Variants in STYK1 observed in about 807,000 individuals in gnomAD.
The protein encoded by STYK1 is STY kinase 1.
In STYK1, 46 loss-of-function variants were observed where a neutral mutation model predicts 48.1. The ratio of observed to expected loss-of-function variants is 0.96; its 90% confidence interval spans 0.75 to 1.22. The LOEUF (loss-of-function observed/expected upper bound fraction) is 1.22. STYK1 is among the 50% of genes most tolerant of loss of function. The pLI, the probability that STYK1 is intolerant of heterozygous loss-of-function variation, is 0.00. For missense variants in STYK1, 527 were observed against 521.1 expected (o/e 1.01, Z -0.11); for synonymous variants, 188 against 189.0 (o/e 0.99, Z 0.04).
Position 10,634,550 on chromosome 12 carries a change from G to C in STYK1, c.52+17C>G. On this transcript the variant is annotated intron_variant, in intron 3 of 10. Coordinates refer to ENST00000075503, the MANE Select transcript of STYK1 (RefSeq NM_018423.3). ...TTCTAAAATCAGAGGATAGACATCT[G>C]TGGAATCCGTACTTACCACACAACT... 6.2e-7 allele frequency: 1 copy of C among 1,612,850 alleles called. No individual in the cohort carries two copies. Among genetic ancestry groups the C allele is most frequent in the Non-Finnish European group, 8.5e-7 (1 of 1,178,924 alleles).
rs1227174520 is a variant in STYK1 at position 10,624,721 on chromosome 12, G to C, written c.856C>G (p.Gln286Glu). The change falls in exon 8 of 11, where the codon CAA becomes GAA. Residue 286 changes from glutamine (Q) to glutamate (E), a missense_variant. Gln to Glu is a conservative substitution (Grantham distance 29). Transcript: ENST00000075503. ...VYTRGAISSTQTIPLKWLAPE... is the reference protein window; with the variant it reads ...VYTRGAISSTETIPLKWLAPE... ...GCAAGCCACTTGAGAGGTATGGTTT[G>C]AGTAGAGGAGATGGCCCCTCGGGTG... 2 of 1,614,156 alleles carry C rather than the reference G, an allele frequency of 1.2e-6. No individual in the cohort carries two copies. Among genetic ancestry groups the C allele is most frequent in the Non-Finnish European group, 1.7e-6 (2 of 1,180,036 alleles).
In STYK1 at chr12:10,672,933, A is replaced by C. The variant is rs957333744; in HGVS notation, c.-195+1033T>G. Reference sequence around the variant, plus strand: ...GAGGGGGAAAAACCAGGTAGACAGCACAGAGTTCTGTTTCCAGGTGTATTT... The same window carrying C: ...GAGGGGGAAAAACCAGGTAGACAGCCCAGAGTTCTGTTTCCAGGTGTATTT... On this transcript the variant is annotated intron_variant, in intron 1 of 10. Coordinates refer to ENST00000075503, the MANE Select transcript of STYK1 (RefSeq NM_018423.3). This position sits in a 1 kb window ranked among gnomAD's most constrained non-coding sequence, Gnocchi z 4.0. Among the ~76,000 whole-genome samples the C allele has an allele frequency of 3.3e-5, 5 of 152,214 alleles. No individual in the cohort carries two copies. The highest frequency in any genetic ancestry group is 1.3e-4 in the Admixed American group (2 of 15,282).
intron 1 of STYK1, among the ~76,000 whole-genome samples, chr12:10,652,473 A>G (rs1028599679): frequency 2.0e-5 from 3 of 152,268 alleles, no homozygotes; most frequent in Non-Finnish European, 4.4e-5. Context: ...CAAGTATTTC[A>G]GAAATCCAAG....
chr12:10,645,721 A>G (rs1947591366), intron 1 of STYK1, among the ~76,000 whole-genome samples: 1 of 152,158 alleles, frequency 6.6e-6, no homozygotes, highest in Non-Finnish European at 1.5e-5. Flanking sequence ...AAAAATATCA[A>G]TCCTGATGTT....
chr12:10,645,365 C>G (rs1947587849), intron 1 of STYK1, among the ~76,000 whole-genome samples: 1 of 152,056 alleles, frequency 6.6e-6, no homozygotes, highest in Non-Finnish European at 1.5e-5. Flanking sequence ...AAGAGGAGTT[C>G]AGAGAGAGAT....
At position 10,667,192 on chromosome 12, in the gene STYK1, G is replaced by GA. The variant is rs1198179053; in HGVS notation, c.-195+6773dup. The GA allele has an allele frequency of 7.2e-5, 11 of 152,104 alleles. 1 individual carries two copies. The highest frequency in any genetic ancestry group is 7.2e-4 in the Admixed American group (11 of 15,278). The allele number at this position is 152,104 out of a possible 1,614,324, so 9.4% of individuals were successfully genotyped here. A position where few individuals can be genotyped will look rare whatever the true frequency, so the allele number is the denominator to read the frequency against. On this transcript the variant is annotated intron_variant, in intron 1 of 10. Transcript: ENST00000075503. Reference sequence around the variant, plus strand: ...GTTATAAAGGTTAACAGCTACAGAGGAAAAAACTAAAACAGGTTTCCTTTT... The same window carrying GA: ...GTTATAAAGGTTAACAGCTACAGAGGAAAAAAACTAAAACAGGTTTCCTTTT...
At chr12:10,646,524 A>G (rs1445058003) in intron 1 of STYK1, among the ~76,000 whole-genome samples, 1 of 152,226 alleles carries the variant, frequency 6.6e-6, no homozygotes, top group Non-Finnish European at 1.5e-5. Flanking sequence ...ATTCAGTTTT[A>G]TAAGGGAAAC....
At chr12:10,653,135 T>C (rs368832088) in intron 1 of STYK1, among the ~76,000 whole-genome samples, 54 of 152,008 alleles carry the variant, frequency 3.6e-4, no homozygotes, top group Middle Eastern at 6.8e-3. Context: ...TGCAGTGGCG[T>C]GATATCGGCT....
chr12:10,663,284 A>C (rs764360526), intron 1 of STYK1, among the ~76,000 whole-genome samples: 7 of 152,066 alleles, frequency 4.6e-5, no homozygotes, highest in African/African-American at 7.2e-5. Context: ...CAGCCCACAC[A>C]ATCTTGACTA....
Position 10,634,093 on chromosome 12 carries a change from G to A in STYK1, c.84C>T (p.Ile28=), listed in dbSNP as rs769680668. ...VIQEKQYEVI[I]VPTLLVTIFL... ...AGATAGTAACCAACAAAGTTGGGACGATAATCACTTCATACTGCTTCTCCT... is the reference window on the plus strand; with the variant it reads ...AGATAGTAACCAACAAAGTTGGGACAATAATCACTTCATACTGCTTCTCCT... Residue 28 remains isoleucine, a synonymous_variant, in exon 4 of 11, where the codon ATC becomes ATT. Coordinates refer to ENST00000075503, the MANE Select transcript of STYK1 (RefSeq NM_018423.3). 27 of 1,614,092 alleles carry A rather than the reference G, an allele frequency of 1.7e-5. No individual in the cohort carries two copies. Among genetic ancestry groups the A allele is most frequent in the East Asian group, 4.5e-5 (2 of 44,878 alleles).
intron 1 of STYK1, among the ~76,000 whole-genome samples, chr12:10,638,441 A>T (rs1196743324): frequency 6.6e-6 from 1 of 152,214 alleles, no homozygotes; most frequent in Non-Finnish European, 1.5e-5. Flanking sequence ...ATGAGGAGTA[A>T]AGTCCATGCT....
chr12:10,633,947 A>G, intron 4 of STYK1, 43 bp downstream of exon 4: 1 of 1,598,672 alleles, frequency 6.3e-7, no homozygotes, highest in Non-Finnish European at 8.5e-7. Context: ...CCTAATCTCC[A>G]TCTTCTTTAA....
At chr12:10,651,891 A>G (rs1052477580) in intron 1 of STYK1, among the ~76,000 whole-genome samples, 1 of 151,966 alleles carries the variant, frequency 6.6e-6, no homozygotes. Context: ...AAATTGCTTC[A>G]TAGTTTTCAA....
At chr12:10,638,225 A>G (rs911208671) in intron 1 of STYK1, among the ~76,000 whole-genome samples, 1 of 152,240 alleles carries the variant, frequency 6.6e-6, no homozygotes, top group East Asian at 1.9e-4. Flanking sequence ...ATAATCCTAT[A>G]TCTACAGAGC....
intron 1 of STYK1, among the ~76,000 whole-genome samples, chr12:10,647,649 G>T (rs896142129): frequency 1.3e-5 from 2 of 152,102 alleles, no homozygotes; most frequent in Non-Finnish European, 2.9e-5. Context: ...CATGAGATTC[G>T]GGAAGGGCCA....
At position 10,631,167 on chromosome 12, in the gene STYK1, C is replaced by T. The variant is rs747312882; in HGVS notation, c.329G>A (p.Arg110Gln). 4.4e-5 allele frequency: 71 copies of T among 1,614,054 alleles called. No individual in the cohort carries two copies. The highest frequency in any genetic ancestry group is 3.8e-4 in the East Asian group (17 of 44,896). Reference sequence around the variant, plus strand: ...CTCCAGAACTTCAGAGAGTTGCTCCCGCGGCACCTGCAGCTTAGCCAGGGC... The same window carrying T: ...CTCCAGAACTTCAGAGAGTTGCTCCTGCGGCACCTGCAGCTTAGCCAGGGC... ...TPALAKLQVP[R>Q]EQLSEVLEQI... Residue 110 changes from arginine (R) to glutamine (Q), a missense_variant, in exon 5 of 11, where the codon CGG (arginine) becomes CAG (glutamine). Physicochemically the swap from Arg to Gln is conservative, Grantham distance 43. Transcript: ENST00000075503.
chr12:10,647,127 G>A (rs114320743), intron 1 of STYK1, among the ~76,000 whole-genome samples: 2,480 of 152,330 alleles, frequency 0.016, 57 homozygotes, highest in African/African-American at 0.055. Context: ...GTGGAGCTAC[G>A]AGAAGAGGGT....
chr12:10,666,008 C>T (rs1398052606), intron 1 of STYK1, among the ~76,000 whole-genome samples: 5 of 152,174 alleles, frequency 3.3e-5, no homozygotes, highest in Admixed American at 1.3e-4. Context: ...TTCCGTTTGC[C>T]TCTCTCCTCC....
At chr12:10,626,045 A>G (rs1329574478) in intron 7 of STYK1, among the ~76,000 whole-genome samples, 1 of 152,218 alleles carries the variant, frequency 6.6e-6, no homozygotes, top group Non-Finnish European at 1.5e-5. Flanking sequence ...GATTACTAAA[A>G]AAGGATGGTA....
Sources: gnomAD v4.1 joint callset for allele counts (sites outside exome capture counted in the v4.1 genomes callset) on GRCh38, gnomAD v4.1.1 for gene constraint, Gnocchi (gnomAD v3.1) non-coding constraint, MANE v1.5 for transcripts, NCBI Gene and HGNC (gene_info 2026-07-23, HGNC 2026-07-21) for gene names.